MTFR1: variants seen among roughly 807,000 people sequenced by gnomAD.
The protein encoded by MTFR1 is chondrocyte protein with a poly-proline region.
MTFR1 carries 28 observed loss-of-function variants against 38.8 expected under a neutral mutation model. The ratio of observed to expected loss-of-function variants is 0.72; its 90% CI spans 0.53 to 0.99. MTFR1 has a LOEUF of 0.99. Among genes scored for constraint, MTFR1 ranks in the 50% least tolerant of loss-of-function variants. MTFR1 has a pLI of 0.00. For missense variants in MTFR1, 358 were observed against 395.5 expected, an observed-to-expected ratio of 0.91 and a Z score of 0.81; for synonymous variants, 145 against 137.0, an observed-to-expected ratio of 1.06 and a Z score of -0.41.
At chr8:65,725,756 T>C (rs1475235125) in intron 3 of MTFR1, among the ~76,000 whole-genome samples, 5 of 152,182 alleles carry the variant, frequency 3.3e-5, no homozygotes, top group Non-Finnish European at 7.4e-5. Flanking sequence ...TAGTATTCCT[T>C]ATTTCCATTT....
Position 65,669,862 on chromosome 8 carries a change from T to A in MTFR1, c.-80-11T>A. Reference sequence around the variant, plus strand: ...TGATTTCATTTTAGTATTTGCATTTTAAATTTTCAGTGTGTTTTATGGACC... The same window carrying A: ...TGATTTCATTTTAGTATTTGCATTTAAAATTTTCAGTGTGTTTTATGGACC... On this transcript the variant is annotated splice_polypyrimidine_tract_variant and intron_variant, in intron 1 of 7. Transcript: ENST00000262146. The A allele has an allele frequency of 2.0e-6, 2 of 1,007,924 alleles. No individual in the cohort carries two copies. Among genetic ancestry groups the A allele is most frequent in the South Asian group, 2.9e-5 (2 of 69,736 alleles). 62.4% of individuals were successfully genotyped at this position (1,007,924 alleles called of 1,614,324 possible).
chr8:65,694,357 G>C (rs1238115305), intron 4 of MTFR1, among the ~76,000 whole-genome samples: 1 of 152,060 alleles, frequency 6.6e-6, no homozygotes, highest in Non-Finnish European at 1.5e-5. Flanking sequence ...TTACAGACGT[G>C]AGCCACCACG....
rs552795880 is a variant in MTFR1, at chr8:65,656,020, T to C, written c.-81+11236T>C. Reference sequence around the variant, plus strand: ...TGATGTAGGGTTGACAACTAAACATTGTGACAAGGACATTTAAAAAAAAAT... The same window carrying C: ...TGATGTAGGGTTGACAACTAAACATCGTGACAAGGACATTTAAAAAAAAAT... On this transcript the variant is annotated intron_variant, in intron 1 of 7. Coordinates refer to ENST00000262146, the MANE Select transcript of MTFR1 (RefSeq NM_014637.4). Among the ~76,000 whole-genome samples, 5 of 130,134 alleles carry C rather than the reference T, an allele frequency of 3.8e-5. No homozygotes were observed. In the South Asian group the frequency reaches 1.2e-3, roughly 31 times the overall value. 85.4% of individuals were successfully genotyped at this position (130,134 alleles called of 152,430 possible).
At chr8:65,733,835 G>A (rs950514509) in intron 3 of MTFR1, among the ~76,000 whole-genome samples, 1 of 152,074 alleles carries the variant, frequency 6.6e-6, no homozygotes, top group African/African-American at 2.4e-5. Context: ...GGCATCAATG[G>A]GCACAAGCCA....
At chr8:65,761,573 C>T (rs1386142200) in intron 3 of MTFR1, among the ~76,000 whole-genome samples, 1 of 152,188 alleles carries the variant, frequency 6.6e-6, no homozygotes, top group Non-Finnish European at 1.5e-5. Context: ...GTGAATTAAT[C>T]AAGTTACTAT....
At chr8:65,765,296 C>T (rs1399539202) in intron 3 of MTFR1, among the ~76,000 whole-genome samples, 5 of 150,782 alleles carry the variant, frequency 3.3e-5, no homozygotes, top group Admixed American at 6.6e-5. Flanking sequence ...GAGACCATCC[C>T]GGCTAAAACG....
intron 3 of MTFR1, among the ~76,000 whole-genome samples, chr8:65,751,712 G>A (rs1807974068): frequency 2.0e-5 from 3 of 152,242 alleles, no homozygotes; most frequent in South Asian, 2.1e-4. Flanking sequence ...GGCTGGTCTC[G>A]AACTCCCGAC....
chr8:65,743,199 A>G (rs981231773), intron 3 of MTFR1, among the ~76,000 whole-genome samples: 7 of 152,184 alleles, frequency 4.6e-5, no homozygotes, highest in African/African-American at 1.7e-4. Context: ...GCCTTGAGAT[A>G]ATACCTAAAA....
chr8:65,767,716 T>C (rs1359774776), intron 3 of MTFR1, among the ~76,000 whole-genome samples: 1 of 152,158 alleles, frequency 6.6e-6, no homozygotes, highest in Non-Finnish European at 1.5e-5. Flanking sequence ...TAGAGTTTCT[T>C]GGAGGGTGGC....
rs1805879878 is a variant in MTFR1, at chr8:65,709,407, T to G, written c.*363T>G. ...AATTTATCTGTATAAGTGTTTTATATGCATATTTTTGGACATAAACAGTTT... is the reference window on the plus strand; with the variant it reads ...AATTTATCTGTATAAGTGTTTTATAGGCATATTTTTGGACATAAACAGTTT... On this transcript the variant is annotated 3_prime_UTR_variant, in exon 8 of 8. Coordinates refer to ENST00000262146, the MANE Select transcript of MTFR1 (RefSeq NM_014637.4). 5.8e-6 allele frequency: 1 copy of G among 170,962 alleles called. No individual in the cohort carries two copies. Among genetic ancestry groups the G allele is most frequent in the Admixed American group, 6.0e-5 (1 of 16,700 alleles). The allele number at this position is 170,962 out of a possible 1,614,324, so 10.6% of individuals were successfully genotyped here. A position where few individuals can be genotyped will look rare whatever the true frequency, so the allele number is the denominator to read the frequency against.
At position 65,663,231 on chromosome 8, in the gene MTFR1, C is replaced by A. The variant is rs555688878; in HGVS notation, c.-80-6642C>A. ...GGATCCTGTTGATCTGTGACCTTAC[C>A]CCCAACCCTGTGCTCTCTGAAACAT... On this transcript the variant is annotated intron_variant, in intron 1 of 7. Transcript: ENST00000262146. Among the ~76,000 whole-genome samples the A allele has an allele frequency of 7.2e-5, 11 of 152,166 alleles. No homozygotes were observed. The South Asian group carries it at 2.3e-3, about 32-fold the overall frequency.
Position 65,682,798 on chromosome 8 carries a change from C to CGG in MTFR1, c.165+347_165+348insGG, listed in dbSNP as rs1563446699. The CGG allele has an allele frequency of 8.1e-6, 8 of 984,988 alleles. No individual in the cohort carries two copies. The Admixed American group carries it at 3.7e-4, about 46-fold the overall frequency. The allele number at this position is 984,988 out of a possible 1,614,324, so 61.0% of individuals were successfully genotyped here. A position where few individuals can be genotyped will look rare whatever the true frequency, so the allele number is the denominator to read the frequency against. ...CCATTATTTTTCTTCTGTAATTATACCTTCCTCTTTGGATAGCCACTCTGT... is the reference window on the plus strand; with the variant it reads ...CCATTATTTTTCTTCTGTAATTATACGGCTTCCTCTTTGGATAGCCACTCTGT... On this transcript the variant is annotated intron_variant, in intron 3 of 7. Transcript: ENST00000262146.
In MTFR1 at chr8:65,723,701, G is replaced by A. The variant is rs911854505; in HGVS notation, c.*48+4220G>A. On this transcript the variant is annotated intron_variant, in intron 3 of 3. Coordinates refer to the MTFR1 transcript ENST00000521247. ...TATAATTAAAGGCTTGAACATACCT[G>A]TGCATTTCTTAGGAAAAACATACTT... 8 of 982,838 alleles carry A rather than the reference G, an allele frequency of 8.1e-6. No individual in the cohort carries two copies. The Admixed American group carries it at 1.8e-4, about 23-fold the overall frequency. 60.9% of individuals were successfully genotyped at this position (982,838 alleles called of 1,614,324 possible).
chr8:65,717,050 T>C (rs1355318971), intron 2 of MTFR1, among the ~76,000 whole-genome samples: 1 of 152,194 alleles, frequency 6.6e-6, no homozygotes, highest in Non-Finnish European at 1.5e-5. Context: ...AAACATCTAA[T>C]TGTTTTTATA....
At chr8:65,656,611 C>A (rs996115408) in intron 1 of MTFR1, among the ~76,000 whole-genome samples, 2 of 151,042 alleles carry the variant, frequency 1.3e-5, no homozygotes, top group African/African-American at 4.9e-5. Flanking sequence ...AAGCGATTCT[C>A]ACGCCTCAGC....
At chr8:65,727,418 G>A (rs886590353) in intron 3 of MTFR1, 9 of 1,432,344 alleles carry the variant, frequency 6.3e-6, no homozygotes, top group Non-Finnish European at 6.6e-6. Context: ...CCCCCTTCAC[G>A]TCATTCCTCA....
chr8:65,743,979 T>G (rs1460044698), intron 3 of MTFR1, among the ~76,000 whole-genome samples: 1 of 152,112 alleles, frequency 6.6e-6, no homozygotes, highest in East Asian at 1.9e-4. Context: ...ATTAGAGACA[T>G]GAACCACCAC....
Position 65,655,148 on chromosome 8 carries a change from C to G in MTFR1, c.-81+10364C>G, listed in dbSNP as rs79201104. Among the ~76,000 whole-genome samples the G allele has an allele frequency of 3.3e-3, 509 of 152,302 alleles. 17 individuals are homozygous for G. In the East Asian group the frequency reaches 0.08, roughly 24 times the overall value. On this transcript the variant is annotated intron_variant, in intron 1 of 7. Transcript: ENST00000262146. ...GCTGCTTAAAATATTCTGTGTCAATCACTGTGGGGTTATATTTCAGAGATT... is the reference window on the plus strand; with the variant it reads ...GCTGCTTAAAATATTCTGTGTCAATGACTGTGGGGTTATATTTCAGAGATT...
chr8:65,768,301 C>T (rs1808900735), intron 3 of MTFR1, among the ~76,000 whole-genome samples: 2 of 152,180 alleles, frequency 1.3e-5, no homozygotes, highest in Admixed American at 6.5e-5. Flanking sequence ...GCTGTGCCCC[C>T]ACCCAAATCT....
Sources: allele counts gnomAD v4.1 joint callset (sites outside exome capture counted in the v4.1 genomes callset), GRCh38; gene constraint gnomAD v4.1.1; transcripts MANE v1.5; gene names NCBI Gene and HGNC (gene_info 2026-07-23, HGNC 2026-07-21).